Variants in SPTAN1 observed in about 807,000 individuals in gnomAD.
SPTAN1 encodes the protein spectrin alpha, non-erythrocytic 1, also known as spectrin alpha chain, non-erythrocytic 1.
Under a neutral mutation model 331.3 loss-of-function variants are expected in SPTAN1, and 61 were observed. That is an observed-to-expected ratio of 0.18 (90% confidence interval 0.15 to 0.23). The LOEUF is 0.23. Among genes scored for constraint, SPTAN1 ranks in the 10% least tolerant of loss-of-function variants. The probability of loss-of-function intolerance (pLI) is 1.00; values close to 1 mark genes in which losing one functional copy is unlikely to be tolerated. For synonymous variants in SPTAN1, 1,153 were observed against 1,173.9 expected (o/e 0.98, Z 0.36); for missense variants, 2,043 against 3,147.9 (o/e 0.65, Z 8.40).
At chr9:128,578,379 G>T in intron 9 of SPTAN1, 134 bp downstream of exon 9, 1 of 1,276,688 alleles carries the variant, frequency 7.8e-7, no homozygotes, top group Non-Finnish European at 1.1e-6. Context: ...TGAGGATTAT[G>T]GTTGGTTTTG....
At chr9:128,623,550 G>A (rs988516030) in intron 45 of SPTAN1, among the ~76,000 whole-genome samples, 1 of 151,412 alleles carries the variant, frequency 6.6e-6, no homozygotes, top group Non-Finnish European at 1.5e-5. Flanking sequence ...CCACCTCCCA[G>A]GTTCAAGCAG....
intron 15 of SPTAN1, 79 bp downstream of exon 15, chr9:128,583,360 T>C: frequency 1.4e-6 from 2 of 1,405,964 alleles, no homozygotes; most frequent in African/African-American, 2.8e-5. Flanking sequence ...TTTAGGGACA[T>C]ATACCCCCCA....
rs190358523 is a variant in SPTAN1, at chr9:128,560,029, C to G, written c.-3-6709C>G. 7.3e-3 allele frequency among the ~76,000 whole-genome samples: 1,107 copies of G among 151,548 alleles called. 13 individuals are homozygous for G. Among genetic ancestry groups the G allele is most frequent in the African/African-American group, 0.026 (1,053 of 41,294 alleles). Reference sequence around the variant, plus strand: ...GGATTACAGGTGTGAGCCACCCTGCCTGGCCGATAATTTTGATTTTTAAGA... The same window carrying G: ...GGATTACAGGTGTGAGCCACCCTGCGTGGCCGATAATTTTGATTTTTAAGA... On this transcript the variant is annotated intron_variant, in intron 1 of 56. Transcript: ENST00000372739.
intron 23 of SPTAN1, chr9:128,593,715 A>T (rs1853840987): frequency 4.4e-6 from 1 of 226,800 alleles, no homozygotes; most frequent in African/African-American, 2.2e-5. Flanking sequence ...CTATATGAGG[A>T]TATTTTAAAG....
rs1462188967 is a variant in SPTAN1, at chr9:128,629,620, CTG to C, written c.6708-698_6708-697del. On this transcript the variant is annotated intron_variant, in intron 51 of 56. Transcript: ENST00000372739. This position sits in a 1 kb window ranked among gnomAD's most constrained non-coding sequence, Gnocchi z 4.9. ...TGTTGTCTTTGTTTACTGGTAGCCTCTGTGACCTGGCACTGTGTTCTCTTGGG... is the reference window on the plus strand; with the variant it reads ...TGTTGTCTTTGTTTACTGGTAGCCTCTGACCTGGCACTGTGTTCTCTTGGG... 1.2e-5 allele frequency: 2 copies of C among 167,506 alleles called. No homozygotes were observed. Among genetic ancestry groups the C allele is most frequent in the African/African-American group, 2.4e-5 (1 of 41,736 alleles). 10.4% of individuals were successfully genotyped at this position (167,506 alleles called of 1,614,324 possible). A position where few individuals can be genotyped will look rare whatever the true frequency, so the allele number is the denominator to read the frequency against.
chr9:128,583,363 A>AC (rs1852183583), intron 15 of SPTAN1, 82 bp downstream of exon 15: 5 of 1,381,634 alleles, frequency 3.6e-6, no homozygotes, highest in Admixed American at 1.9e-5. Context: ...AGGGACATAT[A>AC]CCCCCCAAGA....
At chr9:128,610,559 GT>G (rs767424166) in intron 37 of SPTAN1, among the ~76,000 whole-genome samples, 9 of 146,370 alleles carry the variant, frequency 6.1e-5, no homozygotes, top group East Asian at 2.0e-4. Context: ...CCTTTTAGTT[GT>G]TTTTTTTTTG....
chr9:128,625,697 C>T lies in SPTAN1; in HGVS notation c.6070-72C>T. The T allele has an allele frequency of 6.9e-7, 1 of 1,446,334 alleles. No homozygotes were observed. Among genetic ancestry groups the T allele is most frequent in the South Asian group, 1.1e-5 (1 of 87,344 alleles). 89.6% of individuals were successfully genotyped at this position (1,446,334 alleles called of 1,614,324 possible). A position where few individuals can be genotyped will look rare whatever the true frequency, so the allele number is the denominator to read the frequency against. On this transcript the variant is annotated intron_variant, in intron 47 of 56. Coordinates refer to ENST00000372739, the MANE Select transcript of SPTAN1 (RefSeq NM_001130438.3). This position sits in a 1 kb window ranked among gnomAD's most constrained non-coding sequence, Gnocchi z 4.1. ...GGGCATCTGGGGGACATGCTGGTGC[C>T]ATCTGAGCCTAGGAAGAGCAAGTTC...
intron 26 of SPTAN1, 56 bp downstream of exon 26, chr9:128,599,042 G>A: frequency 6.4e-7 from 1 of 1,556,236 alleles, no homozygotes. Context: ...TAAATCTTGG[G>A]AAGAATATCA....
Position 128,604,272 on chromosome 9 carries a change from G to C in SPTAN1, c.3628-54G>C, listed in dbSNP as rs928984319. Reference sequence around the variant, plus strand: ...AAAGTCATTTTCCCAAAGTCTGACTGGGGGCATGACAGGAGAGGGAGTGCA... The same window carrying C: ...AAAGTCATTTTCCCAAAGTCTGACTCGGGGCATGACAGGAGAGGGAGTGCA... On this transcript the variant is annotated intron_variant, in intron 28 of 56. Transcript: ENST00000372739. 4 of 1,564,856 alleles carry C rather than the reference G, an allele frequency of 2.6e-6. No homozygotes were observed. The Admixed American group carries it at 6.8e-5, about 26-fold the overall frequency.
At chr9:128,581,400 G>A (rs1236101090) in intron 11 of SPTAN1, among the ~76,000 whole-genome samples, 1 of 149,372 alleles carries the variant, frequency 6.7e-6, no homozygotes, top group African/African-American at 2.5e-5. Flanking sequence ...TTGAGCCCAG[G>A]AGCTCAAGGC....
At chr9:128,584,186 C>T in intron 16 of SPTAN1, 96 bp from the exon 17 acceptor site, 1 of 1,583,992 alleles carries the variant, frequency 6.3e-7, no homozygotes, top group Non-Finnish European at 8.6e-7. Flanking sequence ...CAGAAAGAAT[C>T]CTCTCAGGAA....
At position 128,631,256 on chromosome 9, in the gene SPTAN1, G is replaced by A. The variant is rs1355884023; in HGVS notation, c.6763-871G>A. On this transcript the variant is annotated intron_variant, in intron 52 of 56. Coordinates refer to ENST00000372739, the MANE Select transcript of SPTAN1 (RefSeq NM_001130438.3). Reference sequence around the variant, plus strand: ...GTGGATTGCTTGAAGTCAGGAGTTCGAGACCAGCCTGGCCAACATGGGGAA... The same window carrying A: ...GTGGATTGCTTGAAGTCAGGAGTTCAAGACCAGCCTGGCCAACATGGGGAA... 5.4e-5 allele frequency among the ~76,000 whole-genome samples: 8 copies of A among 149,284 alleles called. 1 individual carries two copies. The highest frequency in any genetic ancestry group is 1.2e-4 in the Non-Finnish European group (8 of 67,484).
intron 31 of SPTAN1, among the ~76,000 whole-genome samples, chr9:128,605,732 C>G (rs941530330): frequency 1.3e-5 from 2 of 152,194 alleles, no homozygotes; most frequent in African/African-American, 4.8e-5. Context: ...TGGCTCACGT[C>G]TATAACCCCA....
intron 20 of SPTAN1, 65 bp downstream of exon 20, chr9:128,587,763 G>A (rs1423012352): frequency 1.8e-5 from 25 of 1,392,332 alleles, no homozygotes; most frequent in Non-Finnish European, 2.3e-5. Context: ...ACTGTCAGCA[G>A]GTGTTCCTAT....
Position 128,582,704 on chromosome 9 carries a change from G to T in SPTAN1, c.1661G>T (p.Arg554Leu). The part of the protein sequence containing the change: ...VATRRDALLS[R>L]RNALHERAMR... Reference sequence around the variant, plus strand: ...ATCCTTGTCTTTCAGCTGTTGAGCCGCCGCAATGCCCTTCACGAGAGAGCC... The same window carrying T: ...ATCCTTGTCTTTCAGCTGTTGAGCCTCCGCAATGCCCTTCACGAGAGAGCC... The change falls in exon 14 of 57, where the codon CGC (arginine) becomes CTC (leucine). Residue 554 changes from arginine to leucine, a missense_variant. By Grantham distance (102) the Arg-to-Leu change is moderately radical. This residue lies in a region of SPTAN1 where 1,038 missense variants were observed against 1,531.5 expected (regional missense o/e 0.68). Transcript: ENST00000372739. 6.2e-7 allele frequency: 1 copy of T among 1,613,340 alleles called. No homozygotes were observed. The highest frequency in any genetic ancestry group is 8.5e-7 in the Non-Finnish European group (1 of 1,180,026).
chr9:128,559,932 A>G (rs532953851), intron 1 of SPTAN1, among the ~76,000 whole-genome samples: 118 of 151,752 alleles, frequency 7.8e-4, no homozygotes, highest in Non-Finnish European at 8.4e-4. Context: ...ATGGGGTTTC[A>G]CCATGTTGGC....
At chr9:128,607,312 C>T (rs1444817462) in intron 31 of SPTAN1, among the ~76,000 whole-genome samples, 3 of 152,030 alleles carry the variant, frequency 2.0e-5, no homozygotes, top group Admixed American at 2.0e-4. Context: ...CCAACAAAAG[C>T]TTTTTCATTT....
At chr9:128,621,093 C>A in intron 44 of SPTAN1, 65 bp from the exon 45 acceptor site, 1 of 1,451,352 alleles carries the variant, frequency 6.9e-7, no homozygotes, top group Non-Finnish European at 9.7e-7. Flanking sequence ...ACTCTCTGTC[C>A]CCGGGGCCTA....
Sources: allele counts gnomAD v4.1 joint callset (sites outside exome capture counted in the v4.1 genomes callset), GRCh38; gene constraint gnomAD v4.1.1; regional missense constraint gnomAD v4.1.1; non-coding constraint Gnocchi (gnomAD v3.1); transcripts MANE v1.5; gene names NCBI Gene and HGNC (gene_info 2026-07-23, HGNC 2026-07-21).